ALLC: variants seen among roughly 807,000 people sequenced by gnomAD.
ALLC encodes the protein probable inactive allantoicase.
A neutral mutation model predicts 45.0 loss-of-function variants in ALLC; 40 were observed. The ratio of observed to expected loss-of-function variants is 0.89; its 90% confidence interval spans 0.69 to 1.16. ALLC has a LOEUF of 1.16. ALLC is among the 50% of genes most tolerant of loss of function. ALLC has a pLI of 0.00. For synonymous variants in ALLC, 176 were observed against 178.1 expected (o/e 0.99, Z 0.09); for missense variants, 488 against 493.1 (o/e 0.99, Z 0.10).
chr2:3,697,369 T>C lies in ALLC; in HGVS notation c.763T>C (p.Leu255=), dbSNP rs771904986. 3 of 1,613,922 alleles carry C rather than the reference T, an allele frequency of 1.9e-6. No individual in the cohort carries two copies. Among genetic ancestry groups the C allele is most frequent in the Non-Finnish European group, 2.5e-6 (3 of 1,179,814 alleles). ...ILENDENGIL[L]VPGCEWAVFR... ...CCAGAATGATGAGAATGGCATTCTC[T>C]TGGTTCCGGGTTGTGAATGGGCAGT... The change falls in exon 10 of 12, where the codon TTG becomes CTG. Residue 255 remains leucine (L), a synonymous_variant. Coordinates refer to ENST00000252505, the MANE Select transcript of ALLC (RefSeq NM_018436.4).
chr2:3,695,669 C>A, intron 7 of ALLC, 48 bp from the exon 8 acceptor site: 1 of 1,610,076 alleles, frequency 6.2e-7, no homozygotes, highest in Non-Finnish European at 8.5e-7. Context: ...GTATGATACA[C>A]AAGCAGCCAT....
chr2:3,697,198 A>T, intron 9 of ALLC, 150 bp from the exon 10 acceptor site: 1 of 555,014 alleles, frequency 1.8e-6, no homozygotes, highest in Non-Finnish European at 3.2e-6. Context: ...AATTTACATG[A>T]AAGTGATTTA....
upstream of ALLC, among the ~76,000 whole-genome samples, chr2:3,653,978 T>C (rs1372416520): frequency 6.6e-6 from 1 of 152,164 alleles, no homozygotes; most frequent in Non-Finnish European, 1.5e-5. This position sits in a 1 kb window ranked among gnomAD's most constrained non-coding sequence, Gnocchi z 4.1. Flanking sequence ...CCCAGGAGCT[T>C]GGGAGCAGCT....
At chr2:3,663,483 C>T (rs1040099113) in intron 1 of ALLC, among the ~76,000 whole-genome samples, 5 of 152,024 alleles carry the variant, frequency 3.3e-5, no homozygotes, top group African/African-American at 1.2e-4. Context: ...GGCTTAATAC[C>T]TAGGTGATGG....
chr2:3,687,577 T>C (rs1667362336), intron 7 of ALLC, among the ~76,000 whole-genome samples: 1 of 151,036 alleles, frequency 6.6e-6, no homozygotes. Flanking sequence ...GGAATTTTCT[T>C]TAATGGGAGA....
At chr2:3,695,528 G>C in intron 7 of ALLC, 189 bp from the exon 8 acceptor site, 1 of 595,528 alleles carries the variant, frequency 1.7e-6, no homozygotes, top group South Asian at 2.1e-5. Context: ...TGGGAAAGTT[G>C]TTCTGGTACA....
At chr2:3,682,005 C>T (rs774317104) in intron 6 of ALLC, among the ~76,000 whole-genome samples, 1 of 152,108 alleles carries the variant, frequency 6.6e-6, no homozygotes, top group Non-Finnish European at 1.5e-5. Flanking sequence ...CGTTTAAACA[C>T]TTTTTATACC....
chr2:3,681,487 G>C (rs1667177056), intron 5 of ALLC, 147 bp from the exon 6 acceptor site: 1 of 528,836 alleles, frequency 1.9e-6, no homozygotes, highest in Admixed American at 3.6e-5. Context: ...ACTTCAACAA[G>C]TGTGTCTATT....
chr2:3,662,318 G>A lies in ALLC; in HGVS notation c.-63+4024G>A, dbSNP rs1264908468. 3.9e-5 allele frequency among the ~76,000 whole-genome samples: 6 copies of A among 152,188 alleles called. No homozygotes were observed. The East Asian group carries it at 1.2e-3, about 29-fold the overall frequency. On this transcript the variant is annotated intron_variant, in intron 1 of 11. Coordinates refer to ENST00000252505, the MANE Select transcript of ALLC (RefSeq NM_018436.4). The stretch of plus-strand genomic sequence containing the variant: ...GAAATACATAGGTCTCAGGATTAGA[G>A]AGCATGCATTCTGGAGCACACCCTG...
intron 11 of ALLC, among the ~76,000 whole-genome samples, chr2:3,701,874 T>A (rs2148027287): frequency 6.6e-6 from 1 of 152,312 alleles, no homozygotes; most frequent in East Asian, 1.9e-4. Flanking sequence ...CGTGGAAACA[T>A]GTCTCTGCAT....
intron 7 of ALLC, among the ~76,000 whole-genome samples, chr2:3,689,587 C>T (rs926532360): frequency 2.6e-5 from 4 of 151,066 alleles, no homozygotes; most frequent in Non-Finnish European, 5.9e-5. Flanking sequence ...ATGATTTCTA[C>T]TTTTTTGAAT....
chr2:3,697,549 T>G (rs932672776), intron 10 of ALLC, 93 bp downstream of exon 10: 8 of 959,260 alleles, frequency 8.3e-6, no homozygotes, highest in Non-Finnish European at 1.3e-5. Context: ...CACTGGACTT[T>G]CGGTGTGGAT....
Position 3,696,414 on chromosome 2 carries a change from T to C in ALLC, c.741+66T>C, listed in dbSNP as rs541924868. 120 of 1,383,850 alleles carry C rather than the reference T, an allele frequency of 8.7e-5. 1 individual carries two copies. In the South Asian group the frequency reaches 1.3e-3, roughly 15 times the overall value. The allele number at this position is 1,383,850 out of a possible 1,614,324, so 85.7% of individuals were successfully genotyped here. On this transcript the variant is annotated intron_variant, in intron 9 of 11. Coordinates refer to ENST00000252505, the MANE Select transcript of ALLC (RefSeq NM_018436.4). ...AAAGTATTTTTTGGAACTTTTTCTT[T>C]TAAATAAACTTTTGCACATTTTAGA...
chr2:3,701,403 G>T (rs1454812673), intron 10 of ALLC, 109 bp from the exon 11 acceptor site: 51 of 1,331,878 alleles, frequency 3.8e-5, no homozygotes, highest in Middle Eastern at 3.9e-4. Context: ...GGAAGAGCAG[G>T]GACTTGTTTT....
chr2:3,696,826 A>T (rs922432466), intron 9 of ALLC, among the ~76,000 whole-genome samples: 1 of 152,216 alleles, frequency 6.6e-6, no homozygotes, highest in Non-Finnish European at 1.5e-5. Flanking sequence ...TGAAACAAAA[A>T]ATACAATGCC....
rs941874029 is a variant in ALLC, at chr2:3,702,542, G to A, written c.1155G>A (p.Val385=). 2 of 1,597,246 alleles carry A rather than the reference G, an allele frequency of 1.3e-6. No individual in the cohort carries two copies. The highest frequency in any genetic ancestry group is 3.5e-5 in the Admixed American group (2 of 56,468). ...PREKPMLKFS[V]SFKANP Reference sequence around the variant, plus strand: ...AGAAGCCCATGTTGAAGTTCTCGGTGAGCTTCAAAGCAAACCCTTAACACA... The same window carrying A: ...AGAAGCCCATGTTGAAGTTCTCGGTAAGCTTCAAAGCAAACCCTTAACACA... The change falls in exon 12 of 12, where the codon GTG becomes GTA. Residue 385 remains valine, a synonymous_variant. Transcript: ENST00000252505.
At position 3,683,034 on chromosome 2, in the gene ALLC, C is replaced by G. The variant is rs1667238892; in HGVS notation, c.471C>G (p.Ser157=). The G allele has an allele frequency of 1.2e-6, 2 of 1,613,964 alleles. No homozygotes were observed. The highest frequency in any genetic ancestry group is 1.1e-5 in the South Asian group (1 of 91,082). The change falls in exon 7 of 12, where the codon TCC becomes TCG. Residue 157 remains serine (S), a synonymous_variant. Transcript: ENST00000252505. ...ASGHNYFLVN[S]QQRWTHIRLN... Reference sequence around the variant, plus strand: ...GCCACAACTATTTTCTTGTCAATTCCCAGCAGAGATGGACTCATATCAGAC... The same window carrying G: ...GCCACAACTATTTTCTTGTCAATTCGCAGCAGAGATGGACTCATATCAGAC...
chr2:3,659,628 T>C (rs1666520289), intron 1 of ALLC, among the ~76,000 whole-genome samples: 2 of 152,202 alleles, frequency 1.3e-5, no homozygotes, highest in Non-Finnish European at 2.9e-5. Context: ...CTCCTTCCTT[T>C]CTTGCCTAGA....
At chr2:3,653,588 G>A (rs1666381999), upstream of ALLC, among the ~76,000 whole-genome samples, 1 of 152,122 alleles carries the variant, frequency 6.6e-6, no homozygotes, top group Non-Finnish European at 1.5e-5. The surrounding 1 kb of genome is among the most constrained non-coding windows in gnomAD (Gnocchi z 4.1). Flanking sequence ...GTTTGTTGGG[G>A]GATTGTGGCA....
Sources: allele counts gnomAD v4.1 joint callset (sites outside exome capture counted in the v4.1 genomes callset), GRCh38; gene constraint gnomAD v4.1.1; non-coding constraint Gnocchi (gnomAD v3.1); transcripts MANE v1.5; gene names NCBI Gene and HGNC (gene_info 2026-07-23, HGNC 2026-07-21).